CHST11: variants seen among roughly 807,000 people sequenced by gnomAD.
CHST11 encodes the protein carbohydrate sulfotransferase 11, also known as C4S-1.
In CHST11, 9 loss-of-function variants were observed where a neutral mutation model predicts 30.4. The ratio of observed to expected loss-of-function variants is 0.30; its 90% CI spans 0.18 to 0.52. The LOEUF (loss-of-function observed/expected upper bound fraction) is 0.52. Among genes scored for constraint, CHST11 ranks in the 20% least tolerant of loss-of-function variants. CHST11 has a pLI of 0.97. For missense variants in CHST11, 348 were observed against 460.6 expected, an observed-to-expected ratio of 0.76 and a Z score of 2.24; for synonymous variants, 152 against 187.8, an observed-to-expected ratio of 0.81 and a Z score of 1.56.
At chr12:104,751,252 G>C (rs997340689) in intron 2 of CHST11, among the ~76,000 whole-genome samples, 1 of 152,230 alleles carries the variant, frequency 6.6e-6, no homozygotes, top group African/African-American at 2.4e-5. Flanking sequence ...GAGGTTGGGA[G>C]GGTGATGAGG....
At chr12:104,505,770 C>T (rs1035853817) in intron 1 of CHST11, among the ~76,000 whole-genome samples, 2 of 152,166 alleles carry the variant, frequency 1.3e-5, no homozygotes, top group African/African-American at 4.8e-5. Context: ...GTAGCCGTTC[C>T]TTTCACTCCG....
intron 2 of CHST11, among the ~76,000 whole-genome samples, chr12:104,613,598 G>A (rs1431912227): frequency 6.6e-6 from 1 of 152,102 alleles, no homozygotes; most frequent in Non-Finnish European, 1.5e-5. Context: ...CTCCTGCTCT[G>A]GCCATGTAAG....
chr12:104,598,853 C>G (rs578017142), intron 1 of CHST11, among the ~76,000 whole-genome samples: 1 of 152,144 alleles, frequency 6.6e-6, no homozygotes, highest in African/African-American at 2.4e-5. Context: ...GGCCTTGACT[C>G]AGTGGTCTGT....
At chr12:104,677,361 A>T (rs1388475587) in intron 2 of CHST11, among the ~76,000 whole-genome samples, 1 of 152,230 alleles carries the variant, frequency 6.6e-6, no homozygotes, top group Non-Finnish European at 1.5e-5. Flanking sequence ...GTTAGGAACA[A>T]AAGGGTTATT....
chr12:104,531,093 A>G (rs889950913), intron 1 of CHST11, among the ~76,000 whole-genome samples: 1 of 152,198 alleles, frequency 6.6e-6, no homozygotes, highest in Non-Finnish European at 1.5e-5. Flanking sequence ...TCTCCTTTCT[A>G]AAATACTGTA....
chr12:104,460,015 A>G (rs2037392117), intron 1 of CHST11, among the ~76,000 whole-genome samples: 1 of 152,246 alleles, frequency 6.6e-6, no homozygotes, highest in South Asian at 2.1e-4. Flanking sequence ...AATCTACATT[A>G]AACATTTTCT....
At chr12:104,491,619 C>G (rs1184028587) in intron 1 of CHST11, among the ~76,000 whole-genome samples, 1 of 152,020 alleles carries the variant, frequency 6.6e-6, no homozygotes, top group Non-Finnish European at 1.5e-5. Context: ...CAGGTTTGTG[C>G]CACCACACCT....
chr12:104,689,399 G>A (rs948046529), intron 2 of CHST11, among the ~76,000 whole-genome samples: 6 of 152,196 alleles, frequency 3.9e-5, no homozygotes, highest in South Asian at 2.1e-4. Context: ...TGAGACCCTC[G>A]TTTGTGTGTT....
chr12:104,750,452 T>TTTTTTTTTTTTTTTTTTG (rs1566064718), intron 2 of CHST11, among the ~76,000 whole-genome samples: 1 of 113,552 alleles, frequency 8.8e-6, no homozygotes, highest in African/African-American at 3.6e-5. Flanking sequence ...TTTTTTTTTT[T>TTTTTTTTTTTTTTTTTTG]TTTTGTTGAG....
At chr12:104,497,185 T>A (rs1373054744) in intron 1 of CHST11, among the ~76,000 whole-genome samples, 1 of 152,230 alleles carries the variant, frequency 6.6e-6, no homozygotes, top group Middle Eastern at 3.2e-3. Flanking sequence ...TAACCCCCAG[T>A]ACCTCAAAAT....
At chr12:104,657,942 G>C (rs1292742449) in intron 2 of CHST11, among the ~76,000 whole-genome samples, 1 of 152,194 alleles carries the variant, frequency 6.6e-6, no homozygotes, top group Non-Finnish European at 1.5e-5. Flanking sequence ...AGTTGACGGA[G>C]GGGGATTTTG....
intron 1 of CHST11, among the ~76,000 whole-genome samples, chr12:104,577,325 G>T (rs1201682568): frequency 3.9e-5 from 5 of 128,980 alleles, no homozygotes; most frequent in Non-Finnish European, 3.1e-5. Flanking sequence ...CATTTTTAGT[G>T]TACAGTTCAG....
chr12:104,581,605 T>C (rs1159551190), intron 1 of CHST11, among the ~76,000 whole-genome samples: 1 of 152,128 alleles, frequency 6.6e-6, no homozygotes, highest in Non-Finnish European at 1.5e-5. Flanking sequence ...AGGCAGTTAT[T>C]TGGTGGGCAG....
chr12:104,729,091 T>C lies in CHST11; in HGVS notation c.205-27858T>C, dbSNP rs2040236949. 6.6e-6 allele frequency among the ~76,000 whole-genome samples: 1 copy of C among 152,142 alleles called. No homozygotes were observed. The highest frequency in any genetic ancestry group is 2.4e-5 in the African/African-American group (1 of 41,428). ...CGTGTTATTGTTTTCCTCTAATTAT[T>C]ACCATTAGTTTCTGCAGTTGTTTTA... On this transcript the variant is annotated intron_variant, in intron 2 of 2. Coordinates refer to ENST00000303694, the MANE Select transcript of CHST11 (RefSeq NM_018413.6). The surrounding 1 kb of genome is among the most constrained non-coding windows in gnomAD (Gnocchi z 4.0).
At chr12:104,622,111 G>T (rs900749601) in intron 2 of CHST11, among the ~76,000 whole-genome samples, 1 of 152,224 alleles carries the variant, frequency 6.6e-6, no homozygotes, top group African/African-American at 2.4e-5. Context: ...AATAGGCTGA[G>T]TTGATACAAC....
intron 1 of CHST11, among the ~76,000 whole-genome samples, chr12:104,486,530 A>G (rs1236169908): frequency 1.3e-5 from 2 of 152,162 alleles, no homozygotes; most frequent in African/African-American, 2.4e-5. Flanking sequence ...CAGCCCATGC[A>G]TGCATGAGAG....
At chr12:104,530,313 C>T (rs1481638648) in intron 1 of CHST11, among the ~76,000 whole-genome samples, 1 of 152,182 alleles carries the variant, frequency 6.6e-6, no homozygotes, top group African/African-American at 2.4e-5. Flanking sequence ...CTGGTCTTAG[C>T]CTATAAATTC....
intron 2 of CHST11, among the ~76,000 whole-genome samples, chr12:104,661,206 G>A (rs1289001747): frequency 6.6e-6 from 1 of 152,140 alleles, no homozygotes; most frequent in Non-Finnish European, 1.5e-5. Flanking sequence ...TCATTTGTCA[G>A]TGGGGTTAAA....
chr12:104,648,655 C>CA (rs887557538), intron 2 of CHST11, among the ~76,000 whole-genome samples: 38 of 151,066 alleles, frequency 2.5e-4, no homozygotes, highest in African/African-American at 7.3e-4. Flanking sequence ...ACTAAAAATA[C>CA]AAAAAAAAAT....
Sources: gnomAD v4.1 joint callset for allele counts (sites outside exome capture counted in the v4.1 genomes callset) on GRCh38, gnomAD v4.1.1 for gene constraint, Gnocchi (gnomAD v3.1) non-coding constraint, MANE v1.5 for transcripts, NCBI Gene and HGNC (gene_info 2026-07-23, HGNC 2026-07-21) for gene names.